CYFIP1: variants seen among roughly 807,000 people sequenced by gnomAD.
CYFIP1 encodes the protein cytoplasmic FMR1-interacting protein 1.
A neutral mutation model predicts 163.5 loss-of-function variants in CYFIP1; 58 were observed. That is an observed-to-expected ratio of 0.35 (90% CI 0.29 to 0.44). The LOEUF is 0.44. Among genes scored for constraint, CYFIP1 ranks in the 20% least tolerant of loss-of-function variants. CYFIP1 has a pLI of 1.00. For missense variants in CYFIP1, 1,338 were observed against 1,653.8 expected, an observed-to-expected ratio of 0.81 and a Z score of 3.31; for synonymous variants, 663 against 660.7, an observed-to-expected ratio of 1.00 and a Z score of -0.05.
At chr15:22,909,391 C>A (rs2060705493) in intron 20 of CYFIP1, 78 bp from the exon 21 acceptor site, 1 of 1,567,644 alleles carries the variant, frequency 6.4e-7, no homozygotes, top group African/African-American at 1.4e-5. Flanking sequence ...CACCAGAGAC[C>A]CTGGAGAAGC....
chr15:22,898,249 T>A (rs1195546308), intron 22 of CYFIP1, among the ~76,000 whole-genome samples: 1 of 152,078 alleles, frequency 6.6e-6, no homozygotes, highest in African/African-American at 2.4e-5. Context: ...CCAAATAATT[T>A]AATTTAATTT....
Position 22,870,075 on chromosome 15 carries a change from C to T in CYFIP1, c.3715G>A (p.Val1239Met), listed in dbSNP as rs920182114. ...TGGATGGGCGGCTGGAAGCAGCGCA[C>T]ATGCTCCACTGGCGTGCCCTCCCCG... ...GDGEGTPVEH[V>M]RCFQPPIHQS... Residue 1239 changes from valine (V) to methionine (M), a missense_variant, in exon 31 of 31, where the codon GTG (valine) becomes ATG (methionine). Around this residue, in one of 4 missense-constraint regions of CYFIP1, gnomAD observed 306 missense variants for 322.1 expected, o/e 0.95. Coordinates refer to ENST00000617928, the MANE Select transcript of CYFIP1 (RefSeq NM_014608.6). 6.2e-7 allele frequency: 1 copy of T among 1,612,214 alleles called. No homozygotes were observed. The highest frequency in any genetic ancestry group is 8.5e-7 in the Non-Finnish European group (1 of 1,179,372).
chr15:22,927,882 G>A (rs761834649), intron 12 of CYFIP1, 24 bp downstream of exon 12: 8 of 1,584,464 alleles, frequency 5.0e-6, no homozygotes, highest in Non-Finnish European at 5.1e-6. Context: ...TTGGAGCGGG[G>A]CTGGGGTCGG....
At chr15:22,933,319 C>CT (rs556709449) in intron 10 of CYFIP1, among the ~76,000 whole-genome samples, 3,544 of 144,824 alleles carry the variant, frequency 0.024, 103 homozygotes, top group East Asian at 0.13. Flanking sequence ...ATTTTTCTTT[C>CT]TTTTTTTTTT....
At chr15:22,909,792 T>C (rs1179992194) in intron 20 of CYFIP1, among the ~76,000 whole-genome samples, 1 of 152,204 alleles carries the variant, frequency 6.6e-6, no homozygotes, top group Non-Finnish European at 1.5e-5. Flanking sequence ...ACATGAGATG[T>C]TTTAATACAG....
At chr15:22,948,803 A>T (rs1290829908) in intron 1 of CYFIP1, among the ~76,000 whole-genome samples, 1 of 81,848 alleles carries the variant, frequency 1.2e-5, no homozygotes, top group East Asian at 4.1e-4. Context: ...CACACTACTG[A>T]AATGTAAAAA....
intron 22 of CYFIP1, among the ~76,000 whole-genome samples, chr15:22,893,723 C>T (rs921961194): frequency 6.6e-6 from 1 of 152,194 alleles, no homozygotes; most frequent in Non-Finnish European, 1.5e-5. Flanking sequence ...CCCCTGACCA[C>T]CTACCGCAGT....
At chr15:22,918,965 C>A (rs1479025717) in intron 13 of CYFIP1, 107 bp from the exon 14 acceptor site, 4 of 879,490 alleles carry the variant, frequency 4.5e-6, no homozygotes, top group Non-Finnish European at 3.5e-6. Context: ...GCACCTTACG[C>A]CCTCCCGCGT....
Position 22,874,644 on chromosome 15 carries a change from T to A in CYFIP1, c.3116A>T (p.Glu1039Val). 3 of 1,583,328 alleles carry A rather than the reference T, an allele frequency of 1.9e-6. No homozygotes were observed. The highest frequency in any genetic ancestry group is 2.6e-6 in the Non-Finnish European group (3 of 1,168,302). The change falls in exon 28 of 31, where the codon GAG becomes GTG. Residue 1039 changes from glutamate (E) to valine (V), a missense_variant and splice_region_variant. Transcript: ENST00000617928. ...CATTTTGGCATCAAGTCTCTCCCCC[T>A]CTGCAGTAGAAAAAATATTTTACTA... ...QNILPRVHVK[E>V]GERLDAKMKR...
intron 30 of CYFIP1, chr15:22,872,520 GA>G: frequency 6.8e-6 from 2 of 295,394 alleles, no homozygotes; most frequent in South Asian, 8.5e-5. Flanking sequence ...AAGCAGCCAA[GA>G]AAGCACAGAC....
Position 22,882,959 on chromosome 15 carries a change from C to T in CYFIP1, c.2729G>A (p.Gly910Glu). ...SIYGSYRNFV[G>E]PPHFQVICRL... Reference sequence around the variant, plus strand: ...GCAGATGACTTGAAAGTGTGGAGGTCCCACGAAGTTCCGGTAGCTGCCGTA... The same window carrying T: ...GCAGATGACTTGAAAGTGTGGAGGTTCCACGAAGTTCCGGTAGCTGCCGTA... Residue 910 changes from glycine (G) to glutamate (E), a missense_variant, in exon 24 of 31, where the codon GGA becomes GAA. Gly to Glu is a moderately conservative substitution (Grantham distance 98, BLOSUM62 -2). Transcript: ENST00000617928. 1 of 1,614,026 alleles carries T rather than the reference C, an allele frequency of 6.2e-7. No individual in the cohort carries two copies. The highest frequency in any genetic ancestry group is 8.5e-7 in the Non-Finnish European group (1 of 1,179,954).
chr15:22,894,790 TAAC>T (rs1196962636), intron 22 of CYFIP1, among the ~76,000 whole-genome samples: 4 of 147,940 alleles, frequency 2.7e-5, no homozygotes, highest in East Asian at 1.9e-4. Flanking sequence ...ATATGATACA[TAAC>T]ATAATACATG....
chr15:22,874,480 C>T (rs2059527510), intron 28 of CYFIP1, 70 bp downstream of exon 28: 2 of 1,273,296 alleles, frequency 1.6e-6, no homozygotes, highest in Non-Finnish European at 2.2e-6. Context: ...AGTCTGGCTC[C>T]CAACCAGGCC....
intron 23 of CYFIP1, among the ~76,000 whole-genome samples, chr15:22,887,778 C>A (rs2141920379): frequency 6.6e-6 from 1 of 152,300 alleles, no homozygotes; most frequent in East Asian, 1.9e-4. Context: ...CCGTCACAAA[C>A]ACTGTGCTGT....
At position 22,870,196 on chromosome 15, in the gene CYFIP1, C is replaced by T; in HGVS notation, c.3598-4G>A. ...TCTCCACCATCTTCTTCAAAGGCTA[C>T]AACCATCAAAGTGAGGATGTTTTAC... On this transcript the variant is annotated splice_polypyrimidine_tract_variant and splice_region_variant and intron_variant, in intron 30 of 30. Coordinates refer to ENST00000617928, the MANE Select transcript of CYFIP1 (RefSeq NM_014608.6). The T allele has an allele frequency of 1.2e-6, 2 of 1,604,942 alleles. No individual in the cohort carries two copies. The highest frequency in any genetic ancestry group is 1.1e-5 in the South Asian group (1 of 89,060).
intron 1 of CYFIP1, among the ~76,000 whole-genome samples, chr15:22,964,044 T>C (rs554158899): frequency 6.6e-6 from 1 of 152,090 alleles, no homozygotes; most frequent in Non-Finnish European, 1.5e-5. Context: ...ATTAAGGTAT[T>C]GTTGACAAAT....
At chr15:22,928,875 C>T (rs2061443687) in intron 11 of CYFIP1, among the ~76,000 whole-genome samples, 1 of 151,958 alleles carries the variant, frequency 6.6e-6, no homozygotes. Context: ...CACAGCATGA[C>T]CACTGAGAGG....
chr15:22,904,483 G>A (rs1243374510), intron 21 of CYFIP1: 1 of 159,302 alleles, frequency 6.3e-6, no homozygotes, highest in Non-Finnish European at 1.4e-5. Context: ...AGATTTCAAA[G>A]ACTGAGTAGG....
Position 22,909,098 on chromosome 15 carries a change from G to A in CYFIP1, c.2388+96C>T, listed in dbSNP as rs567653688. On this transcript the variant is annotated intron_variant, in intron 21 of 30. Coordinates refer to ENST00000617928, the MANE Select transcript of CYFIP1 (RefSeq NM_014608.6). The stretch of plus-strand genomic sequence containing the variant: ...TTATCTATACAAGAGGCTTGGTATA[G>A]GCCACGCCCGATGAGTGCATCTCTT... The A allele has an allele frequency of 6.2e-4, 941 of 1,508,628 alleles. 3 individuals carry two copies. The highest frequency in any genetic ancestry group is 9.5e-4 in the Admixed American group (55 of 57,790). 93.5% of individuals were successfully genotyped at this position (1,508,628 alleles called of 1,614,324 possible).
Sources: gnomAD v4.1 joint callset for allele counts (sites outside exome capture counted in the v4.1 genomes callset) on GRCh38, gnomAD v4.1.1 for gene constraint, gnomAD v4.1.1 regional missense constraint, MANE v1.5 for transcripts, NCBI Gene and HGNC (gene_info 2026-07-23, HGNC 2026-07-21) for gene names.